PAPLN: variants seen among roughly 807,000 people sequenced by gnomAD.
PAPLN encodes papilin.
Under a neutral mutation model 159.0 loss-of-function variants are expected in PAPLN, and 146 were observed. That is an observed-to-expected ratio of 0.92 (90% CI 0.80 to 1.05). The LOEUF (loss-of-function observed/expected upper bound fraction) is 1.05, where lower values mean the gene tolerates loss of function less well. PAPLN is among the 50% of genes least tolerant of loss of function. The pLI is 0.00. For synonymous variants in PAPLN, 734 were observed against 702.9 expected (o/e 1.04, Z -0.70); for missense variants, 1,720 against 1,743.9 (o/e 0.99, Z 0.24).
Position 73,251,536 on chromosome 14 carries a change from G to T in PAPLN, c.640G>T (p.Asp214Tyr). ...CATGGGTGCCACCAGCATCCTCATC[G>T]ACGAGGCTGCTGCCAGCAGGAACTT... ...VPMGATSILI[D>Y]EAAASRNFLA... is the part of the protein sequence containing the mutation. The change falls in exon 8 of 27, where the codon GAC becomes TAC. Residue 214 changes from aspartate to tyrosine, a missense_variant. Transcript: ENST00000644200. The T allele has an allele frequency of 6.2e-7, 1 of 1,612,196 alleles. No individual in the cohort carries two copies. The highest frequency in any genetic ancestry group is 8.5e-7 in the Non-Finnish European group (1 of 1,179,878).
chr14:73,239,868 T>C (rs766312972), intron 2 of PAPLN, 36 bp downstream of exon 2: 3 of 1,540,888 alleles, frequency 1.9e-6, no homozygotes, highest in Non-Finnish European at 1.7e-6. Context: ...CGGAGGAACC[T>C]GCAGGGGAGT....
At chr14:73,266,654 T>C (rs1190493549) in intron 24 of PAPLN, 26 bp downstream of exon 24, 2 of 1,614,010 alleles carry the variant, frequency 1.2e-6, no homozygotes, top group Non-Finnish European at 1.7e-6. Context: ...TGAGTGGCCT[T>C]TGAGGTCAGG....
Position 73,274,496 on chromosome 14 carries a change from C to A in PAPLN, c.*1832C>A, listed in dbSNP as rs372928095. On this transcript the variant is annotated 3_prime_UTR_variant, in exon 27 of 27. Transcript: ENST00000644200. Reference sequence around the variant, plus strand: ...TTCTCAGTCTTCTCTACTCATTCAACAAAGGAAATGTGGGCTGGGGCAGAG... The same window carrying A: ...TTCTCAGTCTTCTCTACTCATTCAAAAAAGGAAATGTGGGCTGGGGCAGAG... 1 of 152,256 alleles carries A rather than the reference C, an allele frequency of 6.6e-6. No homozygotes were observed. Among genetic ancestry groups the A allele is most frequent in the African/African-American group, 2.4e-5 (1 of 41,544 alleles). 9.4% of individuals were successfully genotyped at this position (152,256 alleles called of 1,614,324 possible).
At chr14:73,253,693 T>C in intron 11 of PAPLN, 61 bp from the exon 12 acceptor site, 1 of 1,469,210 alleles carries the variant, frequency 6.8e-7, no homozygotes, top group Non-Finnish European at 9.2e-7. Flanking sequence ...GCAGAAACCC[T>C]CAGGGCTGGG....
In PAPLN at chr14:73,251,523, C is replaced by A. The variant is rs1422238306; in HGVS notation, c.627C>A (p.Thr209=). The change falls in exon 8 of 27, where the codon ACC becomes ACA. Residue 209 remains threonine, a synonymous_variant. Transcript: ENST00000644200. The stretch of plus-strand genomic sequence containing the variant: ...TCCTCATAGTTCCCATGGGTGCCAC[C>A]AGCATCCTCATCGACGAGGCTGCTG... ...NQILIVPMGA[T]SILIDEAAAS... 1 of 1,611,168 alleles carries A rather than the reference C, an allele frequency of 6.2e-7. No homozygotes were observed. Among genetic ancestry groups the A allele is most frequent in the African/African-American group, 1.3e-5 (1 of 74,912 alleles).
At chr14:73,238,135 G>C (rs1413625648) in intron 1 of PAPLN, among the ~76,000 whole-genome samples, 1 of 152,212 alleles carries the variant, frequency 6.6e-6, no homozygotes, top group Non-Finnish European at 1.5e-5. Flanking sequence ...CGGGGGCCAC[G>C]GGGACGGGCG....
At chr14:73,253,457 G>A (rs772410123) in intron 11 of PAPLN, among the ~76,000 whole-genome samples, 4 of 152,182 alleles carry the variant, frequency 2.6e-5, no homozygotes, top group Non-Finnish European at 4.4e-5. Flanking sequence ...GAGAGGAATG[G>A]AGTCTGACTG....
intron 14 of PAPLN, among the ~76,000 whole-genome samples, chr14:73,255,258 C>G (rs1353728808): frequency 6.6e-6 from 1 of 152,210 alleles, no homozygotes; most frequent in Non-Finnish European, 1.5e-5. Flanking sequence ...CCCCTCTGGC[C>G]CCCATAGCAT....
chr14:73,253,336 C>T, intron 11 of PAPLN: 1 of 1,013,736 alleles, frequency 9.9e-7, no homozygotes, highest in African/African-American at 1.6e-5. Context: ...TTGCATGGGG[C>T]CACAGGGCTG....
chr14:73,246,971 C>G (rs1013680046), intron 5 of PAPLN: 2 of 152,220 alleles, frequency 1.3e-5, no homozygotes, highest in African/African-American at 4.8e-5. Flanking sequence ...ACCATGGCAG[C>G]CATTTTGAGG....
chr14:73,250,117 G>C lies in PAPLN; in HGVS notation c.465+3G>C, dbSNP rs1479510881. 1.9e-6 allele frequency: 3 copies of C among 1,604,608 alleles called. No homozygotes were observed. The highest frequency in any genetic ancestry group is 2.6e-6 in the Non-Finnish European group (3 of 1,175,830). On this transcript the variant is annotated splice_donor_region_variant and intron_variant, in intron 6 of 26. Coordinates refer to ENST00000644200, the MANE Select transcript of PAPLN (RefSeq NM_001365906.3). ...TCTGTGTGGATGGCAGCTGCCGGGT[G>C]AGTGGTGCCCCAGCCCCTCCCTGCC... is the stretch of plus-strand genomic sequence containing the variant.
At chr14:73,241,103 G>A (rs964806885) in intron 2 of PAPLN, among the ~76,000 whole-genome samples, 1 of 152,166 alleles carries the variant, frequency 6.6e-6, no homozygotes, top group Non-Finnish European at 1.5e-5. Flanking sequence ...ATGGATGGCA[G>A]TGGGCACTTC....
chr14:73,256,899 A>T (rs1163604209), intron 14 of PAPLN, among the ~76,000 whole-genome samples: 4 of 122,662 alleles, frequency 3.3e-5, no homozygotes, highest in Non-Finnish European at 7.2e-5. Flanking sequence ...TAAAAAGATT[A>T]AAAAAAAAAA....
intron 14 of PAPLN, among the ~76,000 whole-genome samples, chr14:73,257,898 G>A (rs1439725089): frequency 6.6e-6 from 1 of 151,750 alleles, no homozygotes; most frequent in African/African-American, 2.4e-5. Flanking sequence ...TGAGTAGCTG[G>A]GATTACAGGT....
In PAPLN at chr14:73,261,236, C is replaced by T. The variant is rs1886543223; in HGVS notation, c.2187C>T (p.Asp729=). 1 of 1,613,914 alleles carries T rather than the reference C, an allele frequency of 6.2e-7. No individual in the cohort carries two copies. The highest frequency in any genetic ancestry group is 8.5e-7 in the Non-Finnish European group (1 of 1,180,024). ...GCTCCCAGTTTGGCTGTTGCTATGACAACGTGGCCACTGCAGCCGGTCCTC... is the reference window on the plus strand; with the variant it reads ...GCTCCCAGTTTGGCTGTTGCTATGATAACGTGGCCACTGCAGCCGGTCCTC... The part of the protein sequence containing the change: ...CRGSQFGCCY[D]NVATAAGPLG... Residue 729 remains aspartate (D), a synonymous_variant, in exon 18 of 27, where the codon GAC becomes GAT. Coordinates refer to ENST00000644200, the MANE Select transcript of PAPLN (RefSeq NM_001365906.3).
At chr14:73,252,981 C>G (rs753708181) in intron 11 of PAPLN, among the ~76,000 whole-genome samples, 1 of 152,202 alleles carries the variant, frequency 6.6e-6, no homozygotes. Context: ...TCTCTGCTCT[C>G]CTGTGACCAC....
chr14:73,253,653 G>A, intron 11 of PAPLN, 101 bp from the exon 12 acceptor site: 1 of 1,107,710 alleles, frequency 9.0e-7, no homozygotes, highest in Non-Finnish European at 1.3e-6. Context: ...GGCTGGGGTG[G>A]GGGTCCTCAG....
Position 73,265,724 on chromosome 14 carries a change from A to T in PAPLN, c.3263+217A>T, listed in dbSNP as rs1411838145. Among the ~76,000 whole-genome samples, 1 of 152,226 alleles carries T rather than the reference A, an allele frequency of 6.6e-6. No individual in the cohort carries two copies. Among genetic ancestry groups the T allele is most frequent in the African/African-American group, 2.4e-5 (1 of 41,456 alleles). The stretch of plus-strand genomic sequence containing the variant: ...TTCCAGAATGTGGTTAGTGGACAGA[A>T]ATAAGAGGCCAGCTAACAGAGGTGA... On this transcript the variant is annotated intron_variant, in intron 23 of 26. Coordinates refer to ENST00000644200, the MANE Select transcript of PAPLN (RefSeq NM_001365906.3). The surrounding 1 kb of genome is among the most constrained non-coding windows in gnomAD (Gnocchi z 4.1).
Position 73,255,200 on chromosome 14 carries a change from C to T in PAPLN, c.1627+182C>T, listed in dbSNP as rs181567369. 2.6e-5 allele frequency among the ~76,000 whole-genome samples: 4 copies of T among 152,294 alleles called. No homozygotes were observed. In the East Asian group the frequency reaches 7.7e-4, roughly 29 times the overall value. On this transcript the variant is annotated intron_variant, in intron 14 of 26. Coordinates refer to ENST00000644200, the MANE Select transcript of PAPLN (RefSeq NM_001365906.3). ...TCTCTAAGGCCCACCTGGTGTGCAG[C>T]CCACCAGGCAGCCCTGCTTTCCTCC...
Sources: allele counts gnomAD v4.1 joint callset (sites outside exome capture counted in the v4.1 genomes callset), GRCh38; gene constraint gnomAD v4.1.1; non-coding constraint Gnocchi (gnomAD v3.1); transcripts MANE v1.5; gene names NCBI Gene and HGNC (gene_info 2026-07-23, HGNC 2026-07-21).